Variants in FBXO7 observed in about 807,000 individuals in gnomAD.
FBXO7 encodes the protein F-box only protein 7.
Under a neutral mutation model 50.2 loss-of-function variants are expected in FBXO7, and 31 were observed. The observed-to-expected ratio is 0.62, with a 90% CI of 0.46 to 0.83. The LOEUF (loss-of-function observed/expected upper bound fraction) is 0.83, where lower values mean the gene tolerates loss of function less well. FBXO7 is among the 40% of genes least tolerant of loss of function. The pLI is 0.00. For missense variants in FBXO7, 667 were observed against 646.6 expected, an observed-to-expected ratio of 1.03 and a Z score of -0.34; for synonymous variants, 256 against 253.1, an observed-to-expected ratio of 1.01 and a Z score of -0.11.
intron 4 of FBXO7, 65 bp from the exon 5 acceptor site, chr22:32,487,680 T>G: frequency 9.7e-7 from 1 of 1,034,312 alleles, no homozygotes; most frequent in South Asian, 1.3e-5. Flanking sequence ...AAGCCCATAC[T>G]AAAAAAGAAA....
chr22:32,494,107 TAAAA>T (rs130725), intron 7 of FBXO7, among the ~76,000 whole-genome samples: 1 of 120,858 alleles, frequency 8.3e-6, no homozygotes, highest in Non-Finnish European at 1.7e-5. Flanking sequence ...ATAGCTCCCT[TAAAA>T]AAAAAAAAAA....
At chr22:32,495,452 G>T in intron 7 of FBXO7, 41 bp from the exon 8 acceptor site, 1 of 1,404,028 alleles carries the variant, frequency 7.1e-7, no homozygotes, top group Non-Finnish European at 1.0e-6. Context: ...CAGGACGAAT[G>T]AAATGTTTTT....
rs34316445 is a variant in FBXO7, at chr22:32,498,507, G to T, written c.1546G>T (p.Asp516Tyr). 61 of 1,613,702 alleles carry T rather than the reference G, an allele frequency of 3.8e-5. No individual in the cohort carries two copies. Among genetic ancestry groups the T allele is most frequent in the Admixed American group, 2.0e-4 (12 of 60,000 alleles). Residue 516 changes from aspartate to tyrosine, a missense_variant, in exon 9 of 9, where the codon GAT (aspartate) becomes TAT (tyrosine). By Grantham distance (160) the Asp-to-Tyr change is radical. Transcript: ENST00000266087. Reference protein sequence around the residue: ...PFRPSRGRPTDGRLSFM With the variant: ...PFRPSRGRPTYGRLSFM ...TAGACCCAGCAGGGGTCGGCCAACT[G>T]ATGGCCGGCTGTCATTCATGTGATT... is the stretch of plus-strand genomic sequence containing the variant.
intron 2 of FBXO7, among the ~76,000 whole-genome samples, chr22:32,483,526 C>T (rs990646900): frequency 1.2e-4 from 18 of 151,998 alleles, no homozygotes; most frequent in Admixed American, 9.2e-4. Context: ...TGCTGGATGT[C>T]GGGAAATAAA....
intron 5 of FBXO7, chr22:32,488,641 A>G (rs1408513152): frequency 6.6e-6 from 1 of 152,238 alleles, no homozygotes; most frequent in Non-Finnish European, 1.5e-5. Flanking sequence ...GGCTGGCTAG[A>G]TTGACATTGT....
intron 2 of FBXO7, among the ~76,000 whole-genome samples, chr22:32,480,201 C>CT (rs1335563389): frequency 1.3e-5 from 2 of 152,276 alleles, no homozygotes; most frequent in African/African-American, 4.8e-5. Flanking sequence ...TTTCATAACT[C>CT]TATCTCATAA....
chr22:32,498,629 T>A lies in FBXO7; in HGVS notation c.*99T>A. 7.0e-7 allele frequency: 1 copy of A among 1,426,100 alleles called. No individual in the cohort carries two copies. The highest frequency in any genetic ancestry group is 9.6e-7 in the Non-Finnish European group (1 of 1,046,328). 88.3% of individuals were successfully genotyped at this position (1,426,100 alleles called of 1,614,324 possible). Reference sequence around the variant, plus strand: ...CTGATCTCGAGTGTTATTTTCTGATTGTGGTGTTGAGAGTTGCACTCCCAG... The same window carrying A: ...CTGATCTCGAGTGTTATTTTCTGATAGTGGTGTTGAGAGTTGCACTCCCAG... On this transcript the variant is annotated 3_prime_UTR_variant, in exon 9 of 9. Transcript: ENST00000266087.
At chr22:32,479,604 T>G (rs1377443148) in intron 2 of FBXO7, among the ~76,000 whole-genome samples, 1 of 151,904 alleles carries the variant, frequency 6.6e-6, no homozygotes, top group Admixed American at 6.6e-5. Context: ...AGCATGTTGG[T>G]CAGGATGGTC....
In FBXO7 at chr22:32,493,213, G is replaced by A; in HGVS notation, c.1076G>A (p.Cys359Tyr). 6.2e-7 allele frequency: 1 copy of A among 1,614,142 alleles called. No individual in the cohort carries two copies. Among genetic ancestry groups the A allele is most frequent in the African/African-American group, 1.3e-5 (1 of 75,046 alleles). The change falls in exon 7 of 9, where the codon TGT becomes TAT. Residue 359 changes from cysteine to tyrosine, a missense_variant. Physicochemically the swap from Cys to Tyr is radical, Grantham distance 194 (BLOSUM62 -2). Coordinates refer to ENST00000266087, the MANE Select transcript of FBXO7 (RefSeq NM_012179.4). ...VRSVLSLSAVCRDLFTASNDP... is the reference protein window; with the variant it reads ...VRSVLSLSAVYRDLFTASNDP... ...TCCGTCTTGTCTTTGTCTGCGGTTT[G>A]TCGTGACCTCTTTACTGCTTCAAAT...
At chr22:32,477,671 T>C (rs2057437524) in intron 1 of FBXO7, among the ~76,000 whole-genome samples, 1 of 152,240 alleles carries the variant, frequency 6.6e-6, no homozygotes, top group South Asian at 2.1e-4. Flanking sequence ...AATACTCCTC[T>C]AACTTTTTGT....
chr22:32,475,218 C>G, intron 1 of FBXO7, 94 bp downstream of exon 1: 1 of 1,506,508 alleles, frequency 6.6e-7, no homozygotes. Flanking sequence ...GCTGCAGGCG[C>G]GGGCGTGGCC....
At position 32,493,571 on chromosome 22, in the gene FBXO7, C is replaced by T. The variant is rs12167840; in HGVS notation, c.1144+290C>T. On this transcript the variant is annotated intron_variant, in intron 7 of 8. Transcript: ENST00000266087. ...ACTAGAGACCATAGTCAGTATCTGA[C>T]GTAGAAACGAGCTGGCATTTCTGAA... Among the ~76,000 whole-genome samples the T allele has an allele frequency of 0.089, 13,526 of 152,194 alleles. 637 individuals carry two copies. Among genetic ancestry groups the T allele is most frequent in the Non-Finnish European group, 0.1 (7,100 of 67,998 alleles).
rs2057447483 is a variant in FBXO7 at position 32,479,156 on chromosome 22, A to C, written c.298A>C (p.Asn100His). The change falls in exon 2 of 9, where the codon AAT becomes CAT. Residue 100 changes from asparagine to histidine, a missense_variant. Asn to His is a moderately conservative substitution (Grantham distance 68, BLOSUM62 1). Transcript: ENST00000266087. ...AGATTCAGAGCATTCTTCACTCCAG[A>C]ATAATGAGCAACCCTCTTTGGCCAC... ...STDSEHSSLQ[N>H]NEQPSLATSS... The C allele has an allele frequency of 6.2e-7, 1 of 1,614,038 alleles. No homozygotes were observed. Among genetic ancestry groups the C allele is most frequent in the African/African-American group, 1.3e-5 (1 of 74,906 alleles).
At position 32,498,202 on chromosome 22, in the gene FBXO7, T is replaced by G; in HGVS notation, c.1241T>G (p.Leu414Arg). 1.9e-6 allele frequency: 3 copies of G among 1,614,232 alleles called. No individual in the cohort carries two copies. The South Asian group carries it at 3.3e-5, about 18-fold the overall frequency. ...TCCCCGAAAGGGCGGTTTGTGATGC[T>G]CCTGCCATCGTCAACTCACACCATT... is the stretch of plus-strand genomic sequence containing the variant. ...KESPKGRFVM[L>R]LPSSTHTIPF... is the part of the protein sequence containing the mutation. The change falls in exon 9 of 9, where the codon CTC becomes CGC. Residue 414 changes from leucine (L) to arginine (R), a missense_variant. Physicochemically the swap from Leu to Arg is moderately radical, Grantham distance 102. Transcript: ENST00000266087.
At position 32,482,729 on chromosome 22, in the gene FBXO7, G is replaced by C. The variant is rs550173743; in HGVS notation, c.418-1168G>C. ...AACATTTTGAAAATAAAGACATTAT[G>C]AAGTTGTAAGGTATTATCCTTCAGC... On this transcript the variant is annotated intron_variant, in intron 2 of 8. Coordinates refer to ENST00000266087, the MANE Select transcript of FBXO7 (RefSeq NM_012179.4). Among the ~76,000 whole-genome samples the C allele has an allele frequency of 1.1e-4, 17 of 152,316 alleles. No homozygotes were observed. In the East Asian group the frequency reaches 2.3e-3, roughly 21 times the overall value.
chr22:32,487,856 G>T, intron 5 of FBXO7, 28 bp downstream of exon 5: 3 of 1,390,164 alleles, frequency 2.2e-6, no homozygotes, highest in Non-Finnish European at 3.1e-6. Context: ...TAACTTTTGG[G>T]GTGAAACTCT....
chr22:32,482,435 G>A (rs1419928734), intron 2 of FBXO7, among the ~76,000 whole-genome samples: 4 of 152,152 alleles, frequency 2.6e-5, no homozygotes, highest in Non-Finnish European at 4.4e-5. Flanking sequence ...AAGACGAAAC[G>A]TATGCTTTGC....
chr22:32,477,249 T>C (rs768063707), intron 1 of FBXO7, among the ~76,000 whole-genome samples: 3 of 152,126 alleles, frequency 2.0e-5, no homozygotes, highest in Non-Finnish European at 4.4e-5. Flanking sequence ...TATTTACGAG[T>C]GAAATAAAAA....
chr22:32,494,704 T>A (rs2057561384), intron 7 of FBXO7, among the ~76,000 whole-genome samples: 1 of 152,138 alleles, frequency 6.6e-6, no homozygotes, highest in Non-Finnish European at 1.5e-5. Flanking sequence ...CTTTCACTTG[T>A]ATATTCAAGT....
Sources: allele counts gnomAD v4.1 joint callset (sites outside exome capture counted in the v4.1 genomes callset), GRCh38; gene constraint gnomAD v4.1.1; transcripts MANE v1.5; gene names NCBI Gene and HGNC (gene_info 2026-07-23, HGNC 2026-07-21).